Variants in PNPLA7 observed in about 807,000 individuals in gnomAD.
PNPLA7 encodes patatin like domain 7, lysophospholipase, also known as patatin-like phospholipase domain-containing protein 7.
Under a neutral mutation model 161.7 loss-of-function variants are expected in PNPLA7, and 153 were observed. That is an observed-to-expected ratio of 0.95 (90% CI 0.83 to 1.08). The LOEUF is 1.08. PNPLA7 is among the 50% of genes least tolerant of loss of function. The pLI is 0.00. For missense variants in PNPLA7, 1,739 were observed against 1,856.6 expected (o/e 0.94, Z 1.16); for synonymous variants, 809 against 782.1 (o/e 1.03, Z -0.57).
rs950176015 is a variant in PNPLA7, at chr9:137,486,427, A to G, written c.2198-1691T>C. 7.2e-5 allele frequency among the ~76,000 whole-genome samples: 11 copies of G among 152,198 alleles called. No homozygotes were observed. The highest frequency in any genetic ancestry group is 2.4e-4 in the African/African-American group (10 of 41,440). On this transcript the variant is annotated intron_variant, in intron 20 of 34. Transcript: ENST00000406427. The surrounding 1 kb of genome is among the most constrained non-coding windows in gnomAD (Gnocchi z 6.0). ...GAAAATAGCTGATGACGTGCTGCTG[A>G]GCAGGAAAGCTGCAGAGTGGTTTAT...
Position 137,523,872 on chromosome 9 carries a change from C to T in PNPLA7, c.748-1015G>A, listed in dbSNP as rs1034113101. On this transcript the variant is annotated intron_variant, in intron 8 of 34. Transcript: ENST00000406427. This position sits in a 1 kb window ranked among gnomAD's most constrained non-coding sequence, Gnocchi z 4.4. ...GTCTCGATCTCCTGACCTCGTGATC[C>T]GCCCACCTCGGCCTCCCAAAGTGCT... Among the ~76,000 whole-genome samples, 14 of 152,104 alleles carry T rather than the reference C, an allele frequency of 9.2e-5. No homozygotes were observed. The highest frequency in any genetic ancestry group is 1.3e-4 in the Non-Finnish European group (9 of 68,026).
chr9:137,521,794 C>CGGTTCTCAGTGCTCTG, intron 9 of PNPLA7, 78 bp from the exon 10 acceptor site: 1 of 1,300,756 alleles, frequency 7.7e-7, no homozygotes, highest in Non-Finnish European at 1.1e-6. Flanking sequence ...ACACAGAGCA[C>CGGTTCTCAGTGCTCTG]TGAGAACCGT....
intron 14 of PNPLA7, among the ~76,000 whole-genome samples, chr9:137,503,779 G>GAAAAGAAA (rs1554768247): frequency 0.017 from 1 of 60 alleles, no homozygotes; most frequent in Non-Finnish European, 0.019. Context: ...GAAGAAAAAA[G>GAAAAGAAA]AAAGAAGAGA....
At position 137,486,284 on chromosome 9, in the gene PNPLA7, G is replaced by C. The variant is rs753216464; in HGVS notation, c.2198-1548C>G. ...CCACTCCCTGCAGACGGCGGCCAGCGGACACCTGCAAGATCCTGGGATGCA... is the reference window on the plus strand; with the variant it reads ...CCACTCCCTGCAGACGGCGGCCAGCCGACACCTGCAAGATCCTGGGATGCA... On this transcript the variant is annotated intron_variant, in intron 20 of 34. Transcript: ENST00000406427. This position sits in a 1 kb window ranked among gnomAD's most constrained non-coding sequence, Gnocchi z 6.0. 6.6e-6 allele frequency among the ~76,000 whole-genome samples: 1 copy of C among 152,112 alleles called. No homozygotes were observed. Among genetic ancestry groups the C allele is most frequent in the Admixed American group, 6.5e-5 (1 of 15,280 alleles).
intron 25 of PNPLA7, among the ~76,000 whole-genome samples, chr9:137,469,374 A>G (rs1274982535): frequency 6.6e-6 from 1 of 152,264 alleles, no homozygotes; most frequent in Non-Finnish European, 1.5e-5. Context: ...GAAAGCAGAC[A>G]GGGAGGGAGC....
rs58417100 is a variant in PNPLA7, at chr9:137,475,010, CAA to C, written c.2882+3022_2882+3023del. Among the ~76,000 whole-genome samples the C allele has an allele frequency of 5.9e-3, 378 of 63,584 alleles. 1 individual carries two copies. Among genetic ancestry groups the C allele is most frequent in the Middle Eastern group, 0.039 (3 of 76 alleles). 41.7% of individuals were successfully genotyped at this position (63,584 alleles called of 152,430 possible). ...ACTGCGACAGAACAAGACTCTGCCT[CAA>C]AAAAAAAAAAAAAAAAAAAAGAAGC... On this transcript the variant is annotated intron_variant, in intron 25 of 34. Transcript: ENST00000406427.
chr9:137,502,867 T>C (rs1833566314), intron 14 of PNPLA7, among the ~76,000 whole-genome samples: 1 of 151,540 alleles, frequency 6.6e-6, no homozygotes, highest in African/African-American at 2.4e-5. Flanking sequence ...ATAAGAGTAT[T>C]GTGGTTAGAG....
chr9:137,465,130 G>T (rs182033449), intron 26 of PNPLA7, among the ~76,000 whole-genome samples: 2 of 152,270 alleles, frequency 1.3e-5, no homozygotes, highest in South Asian at 2.1e-4. Flanking sequence ...GGAGGGAAGC[G>T]CTTGGAGTGT....
In PNPLA7 at chr9:137,462,229, G is replaced by T. The variant is rs562492257; in HGVS notation, c.3595C>A (p.Pro1199Thr). ...SSDYCEYLRPPIDSYSTLDFG... is the reference protein window; with the variant it reads ...SSDYCEYLRPTIDSYSTLDFG... ...TCCAGGGTGCTGTAGCTGTCGATGG[G>T]GGGGCGCAGGTACTCGCAGTAGTCA... Residue 1199 changes from proline (P) to threonine (T), a missense_variant, in exon 31 of 35, where the codon CCC becomes ACC. Physicochemically the swap from Pro to Thr is conservative, Grantham distance 38 (BLOSUM62 -1). Around this residue, in one of 6 missense-constraint regions of PNPLA7, gnomAD observed 703 missense variants for 694.6 expected, o/e 1.01. Transcript: ENST00000406427. 2.2e-5 allele frequency: 36 copies of T among 1,606,778 alleles called. No individual in the cohort carries two copies. Among genetic ancestry groups the T allele is most frequent in the East Asian group, 4.5e-5 (2 of 44,768 alleles).
At chr9:137,471,837 G>A (rs1373981197) in intron 25 of PNPLA7, among the ~76,000 whole-genome samples, 1 of 151,924 alleles carries the variant, frequency 6.6e-6, no homozygotes, top group Non-Finnish European at 1.5e-5. Flanking sequence ...AATCTCAGGA[G>A]GTTTTCTTTT....
intron 24 of PNPLA7, chr9:137,478,809 G>T: frequency 2.1e-6 from 1 of 469,028 alleles, no homozygotes; most frequent in Non-Finnish European, 3.7e-6. Context: ...CCCGGGGTTC[G>T]CTGAGCCCCC....
rs756952661 is a variant in PNPLA7, at chr9:137,542,638, TCA to T, written c.666+2_666+3del. 56 of 1,584,984 alleles carry T rather than the reference TCA, an allele frequency of 3.5e-5. No homozygotes were observed. Among genetic ancestry groups the T allele is most frequent in the Non-Finnish European group, 4.7e-5 (55 of 1,160,232 alleles). Reference sequence around the variant, plus strand: ...TGACCCCGCCCCGCCGCCCTGCGACTCACAGTGTCCTGGATGCAGACCTCCAG... The same window carrying T: ...TGACCCCGCCCCGCCGCCCTGCGACTCAGTGTCCTGGATGCAGACCTCCAG... On this transcript the variant is annotated splice_donor_variant and splice_donor_region_variant and intron_variant, in intron 7 of 34. Coordinates refer to ENST00000406427, the MANE Select transcript of PNPLA7 (RefSeq NM_001098537.3). LOFTEE classifies it high-confidence loss of function.
chr9:137,497,910 G>C (rs539219770), intron 17 of PNPLA7, among the ~76,000 whole-genome samples: 1 of 152,258 alleles, frequency 6.6e-6, no homozygotes, highest in Admixed American at 6.5e-5. Context: ...ATGTCCAAGC[G>C]TGTGTGGGTG....
At chr9:137,517,163 C>T (rs1834636184) in intron 11 of PNPLA7, among the ~76,000 whole-genome samples, 1 of 144,770 alleles carries the variant, frequency 6.9e-6, no homozygotes, top group Non-Finnish European at 1.5e-5. Context: ...ACTCTGCTCA[C>T]TCCATCCCCC....
Position 137,475,010 on chromosome 9 carries a change from C to CAAAAAAAAAAAAA in PNPLA7, c.2882+3011_2882+3023dup, listed in dbSNP as rs58417100. On this transcript the variant is annotated intron_variant, in intron 25 of 34. Coordinates refer to ENST00000406427, the MANE Select transcript of PNPLA7 (RefSeq NM_001098537.3). Reference sequence around the variant, plus strand: ...ACTGCGACAGAACAAGACTCTGCCTCAAAAAAAAAAAAAAAAAAAAAAGAA... The same window carrying CAAAAAAAAAAAAA: ...ACTGCGACAGAACAAGACTCTGCCTCAAAAAAAAAAAAAAAAAAAAAAAAAAAAAAAAAAAGAA... Among the ~76,000 whole-genome samples the CAAAAAAAAAAAAA allele has an allele frequency of 1.3e-3, 80 of 63,612 alleles. 2 individuals are homozygous for CAAAAAAAAAAAAA. The highest frequency in any genetic ancestry group is 5.3e-3 in the African/African-American group (78 of 14,636). The allele number at this position is 63,612 out of a possible 152,430, so 41.7% of individuals were successfully genotyped here. A position where few individuals can be genotyped will look rare whatever the true frequency, so the allele number is the denominator to read the frequency against.
intron 8 of PNPLA7, among the ~76,000 whole-genome samples, chr9:137,538,688 T>A (rs531305346): frequency 1.3e-5 from 2 of 152,362 alleles, no homozygotes; most frequent in South Asian, 4.1e-4. Context: ...ATTCAGCTAA[T>A]GGACACTAAA....
chr9:137,518,336 CCACTCTGCT>C (rs1834755958), intron 11 of PNPLA7, among the ~76,000 whole-genome samples: 1 of 112,330 alleles, frequency 8.9e-6, no homozygotes, highest in Non-Finnish European at 1.8e-5. Flanking sequence ...CTCACTCACT[CCACTCTGCT>C]CACTCCATCC....
intron 11 of PNPLA7, among the ~76,000 whole-genome samples, chr9:137,519,173 T>C (rs1396413655): frequency 1.3e-5 from 2 of 152,274 alleles, no homozygotes; most frequent in Non-Finnish European, 2.9e-5. Context: ...CTTTTGTTAG[T>C]CACTTCAATT....
At chr9:137,495,792 C>T (rs1010787809) in intron 18 of PNPLA7, among the ~76,000 whole-genome samples, 3 of 152,176 alleles carry the variant, frequency 2.0e-5, no homozygotes, top group African/African-American at 7.2e-5. Flanking sequence ...GGGAGCCCTG[C>T]CCTCTGGCAC....
Sources: gnomAD v4.1 joint callset for allele counts (sites outside exome capture counted in the v4.1 genomes callset) on GRCh38, gnomAD v4.1.1 for gene constraint, gnomAD v4.1.1 regional missense constraint, Gnocchi (gnomAD v3.1) non-coding constraint, MANE v1.5 for transcripts, NCBI Gene and HGNC (gene_info 2026-07-23, HGNC 2026-07-21) for gene names.